PNO1: variants seen among roughly 807,000 people sequenced by gnomAD.
The protein encoded by PNO1 is RNA-binding protein PNO1.
In PNO1, 16 loss-of-function variants were observed where a neutral mutation model predicts 28.4. That is an observed-to-expected ratio of 0.56 (90% CI 0.38 to 0.85). The LOEUF is 0.85. Ranked by LOEUF, PNO1 falls within the 40% of genes least tolerant of loss-of-function variation. The pLI, the probability that PNO1 is intolerant of heterozygous loss-of-function variation, is 0.00. For synonymous variants in PNO1, 115 were observed against 110.8 expected (o/e 1.04, Z -0.24); for missense variants, 304 against 312.2 (o/e 0.97, Z 0.20).
At chr2:68,161,576 G>A (rs1673831716) in intron 2 of PNO1, 107 bp from the exon 3 acceptor site, 2 of 722,602 alleles carry the variant, frequency 2.8e-6, no homozygotes, top group Non-Finnish European at 4.9e-6. Flanking sequence ...AAAGGTGGTG[G>A]TGAAGGAAAT....
chr2:68,170,237 A>C (rs2103688163), intron 5 of PNO1, among the ~76,000 whole-genome samples: 1 of 152,344 alleles, frequency 6.6e-6, no homozygotes, highest in South Asian at 2.1e-4. Flanking sequence ...ATAGAAAACT[A>C]AAAACAATTG....
intron 6 of PNO1, among the ~76,000 whole-genome samples, chr2:68,173,826 C>T (rs1674197784): frequency 6.6e-6 from 1 of 152,096 alleles, no homozygotes; most frequent in Non-Finnish European, 1.5e-5. Context: ...TGTGATCCGT[C>T]CACCTCAGCC....
At position 68,173,437 on chromosome 2, in the gene PNO1, TTGG is replaced by T. The variant is rs1364774241; in HGVS notation, c.691+23_691+25del. The T allele has an allele frequency of 6.7e-7, 1 of 1,491,908 alleles. No homozygotes were observed. The highest frequency in any genetic ancestry group is 9.4e-7 in the Non-Finnish European group (1 of 1,068,992). 92.4% of individuals were successfully genotyped at this position (1,491,908 alleles called of 1,614,324 possible). ...TCTTGGGTAATAGCAGTTTCTTTCT[TTGG>T]TGTTTTCTCTGGGAGGGATAGGAAG... is the stretch of plus-strand genomic sequence containing the variant. On this transcript the variant is annotated intron_variant, in intron 6 of 6. Coordinates refer to ENST00000263657, the MANE Select transcript of PNO1 (RefSeq NM_020143.4).
At chr2:68,167,672 G>C (rs1370625299) in intron 5 of PNO1, among the ~76,000 whole-genome samples, 2 of 152,154 alleles carry the variant, frequency 1.3e-5, no homozygotes, top group Non-Finnish European at 2.9e-5. Flanking sequence ...CAAAAAACCT[G>C]TTCAGGCAGA....
intron 5 of PNO1, 155 bp from the exon 6 acceptor site, chr2:68,173,192 T>A (rs1468249676): frequency 5.5e-6 from 3 of 549,242 alleles, no homozygotes; most frequent in Non-Finnish European, 9.7e-6. Context: ...ACTGTTGAAT[T>A]TTTTTGTAGA....
Position 68,163,540 on chromosome 2 carries a change from A to C in PNO1, c.620+877A>C, listed in dbSNP as rs200218217. On this transcript the variant is annotated intron_variant, in intron 5 of 6. Coordinates refer to ENST00000263657, the MANE Select transcript of PNO1 (RefSeq NM_020143.4). Reference sequence around the variant, plus strand: ...AGTGAGACTCTGTCTCAAATAAATAAATACATACATACATACATACATACA... The same window carrying C: ...AGTGAGACTCTGTCTCAAATAAATACATACATACATACATACATACATACA... Among the ~76,000 whole-genome samples the C allele has an allele frequency of 1.6e-3, 217 of 136,160 alleles. 6 individuals are homozygous for C. In the East Asian group the frequency reaches 0.028, roughly 18 times the overall value. 89.3% of individuals were successfully genotyped at this position (136,160 alleles called of 152,430 possible). A position where few individuals can be genotyped will look rare whatever the true frequency, so the allele number is the denominator to read the frequency against.
intron 5 of PNO1, among the ~76,000 whole-genome samples, chr2:68,164,405 C>A (rs1463267046): frequency 6.6e-6 from 1 of 152,040 alleles, no homozygotes. Flanking sequence ...GTGGGAGGAT[C>A]ACCTGAGCCC....
chr2:68,162,172 T>C, intron 3 of PNO1, 93 bp from the exon 4 acceptor site: 1 of 908,706 alleles, frequency 1.1e-6, no homozygotes. Flanking sequence ...AGCTCTAGAG[T>C]TTGTGGATTT....
At chr2:68,160,444 C>T (rs1340871764) in intron 2 of PNO1, among the ~76,000 whole-genome samples, 3 of 152,140 alleles carry the variant, frequency 2.0e-5, no homozygotes, top group Admixed American at 1.3e-4. Flanking sequence ...AGTATCTTTC[C>T]GGGTCTAGCT....
In PNO1 at chr2:68,173,347, G is replaced by T. The variant is rs768082033; in HGVS notation, c.621G>T (p.Val207=). 6.9e-6 allele frequency: 11 copies of T among 1,589,706 alleles called. No homozygotes were observed. The South Asian group carries it at 1.1e-4, about 16-fold the overall frequency. Residue 207 remains valine (V), a splice_region_variant and synonymous_variant, in exon 6 of 7, where the codon GTG becomes GTT. Coordinates refer to ENST00000263657, the MANE Select transcript of PNO1 (RefSeq NM_020143.4). ...VTRTRIVLAD[V]KVHILGSFQN... is the part of the protein sequence containing the mutation. ...ATTTGTCTCATTTTATTTCTTTCAG[G>T]AAAGTTCACATCCTTGGCTCCTTCC...
intron 5 of PNO1, among the ~76,000 whole-genome samples, chr2:68,165,926 T>C (rs561912480): frequency 1.3e-5 from 2 of 152,372 alleles, no homozygotes; most frequent in South Asian, 4.1e-4. Flanking sequence ...ATGACACTCA[T>C]ACAGTTCTCT....
In PNO1 at chr2:68,158,359, T is replaced by G. The variant is rs1226484322; in HGVS notation, c.208-21T>G. The G allele has an allele frequency of 6.9e-6, 11 of 1,601,918 alleles. 1 individual carries two copies. In the South Asian group the frequency reaches 1.0e-4, roughly 15 times the overall value. Reference sequence around the variant, plus strand: ...ACCGTCCCTCCATAGCCTTCTGAGTTGTGTGTTCTTTTATTTACAGAGTGG... The same window carrying G: ...ACCGTCCCTCCATAGCCTTCTGAGTGGTGTGTTCTTTTATTTACAGAGTGG... On this transcript the variant is annotated intron_variant, in intron 1 of 6. Coordinates refer to ENST00000263657, the MANE Select transcript of PNO1 (RefSeq NM_020143.4).
rs1021446961 is a variant in PNO1 at position 68,158,023 on chromosome 2, G to C, written c.89G>C (p.Arg30Pro). The change falls in exon 1 of 7, where the codon CGA becomes CCA. Residue 30 changes from arginine (R) to proline (P), a missense_variant. Physicochemically the swap from Arg to Pro is moderately radical, Grantham distance 103. Coordinates refer to ENST00000263657, the MANE Select transcript of PNO1 (RefSeq NM_020143.4). The stretch of plus-strand genomic sequence containing the variant: ...AAGGGTGGCCGACGGGCGAAGAAAC[G>C]ACAGGCTGAACAGCTGTCCGCAGCA... ...TRKGGRRAKK[R>P]QAEQLSAAGE... The C allele has an allele frequency of 5.6e-6, 9 of 1,614,038 alleles. No individual in the cohort carries two copies. The highest frequency in any genetic ancestry group is 1.6e-4 in the Middle Eastern group (1 of 6,082).
At chr2:68,174,670 G>T in intron 6 of PNO1, 65 bp from the exon 7 acceptor site, 1 of 1,085,658 alleles carries the variant, frequency 9.2e-7, no homozygotes. Context: ...TAGACACTGA[G>T]GGACAACTGT....
Position 68,170,350 on chromosome 2 carries a change from G to A in PNO1, c.621-2997G>A, listed in dbSNP as rs552923411. 2.0e-5 allele frequency among the ~76,000 whole-genome samples: 3 copies of A among 152,174 alleles called. No individual in the cohort carries two copies. The East Asian group carries it at 5.8e-4, about 29-fold the overall frequency. On this transcript the variant is annotated intron_variant, in intron 5 of 6. Transcript: ENST00000263657. ...TTGCCCCATTACTTTGGTTCTTTGT[G>A]CAGCAAAACTACTCCCATCTGTTCT...
chr2:68,168,968 G>A (rs1353713789), intron 5 of PNO1, among the ~76,000 whole-genome samples: 3 of 112,820 alleles, frequency 2.7e-5, no homozygotes, highest in South Asian at 3.0e-4. Context: ...TCCCTCTATC[G>A]CCAAGGCTGA....
At chr2:68,170,351 C>T (rs1216190440) in intron 5 of PNO1, among the ~76,000 whole-genome samples, 1 of 152,124 alleles carries the variant, frequency 6.6e-6, no homozygotes, top group African/African-American at 2.4e-5. Context: ...GTTCTTTGTG[C>T]AGCAAAACTA....
At chr2:68,172,944 A>T (rs1674168165) in intron 5 of PNO1, among the ~76,000 whole-genome samples, 1 of 152,156 alleles carries the variant, frequency 6.6e-6, no homozygotes, top group African/African-American at 2.4e-5. Context: ...CCCTTTTAAA[A>T]AGTGGTTTTT....
At chr2:68,173,606 A>G (rs568550945) in intron 6 of PNO1, among the ~76,000 whole-genome samples, 189 bp downstream of exon 6, 5 of 117,140 alleles carry the variant, frequency 4.3e-5, no homozygotes, top group Admixed American at 1.0e-4. Context: ...TTTCTGAGCC[A>G]GAGTCTCGCT....
Sources: allele counts gnomAD v4.1 joint callset (sites outside exome capture counted in the v4.1 genomes callset), GRCh38; gene constraint gnomAD v4.1.1; transcripts MANE v1.5; gene names NCBI Gene and HGNC (gene_info 2026-07-23, HGNC 2026-07-21).